The following PDE1A variants were observed in gnomAD, a reference collection of about 807,000 sequenced individuals.
PDE1A encodes phosphodiesterase 1A.
In PDE1A, 35 loss-of-function variants were observed where a neutral mutation model predicts 61.7. That is an observed-to-expected ratio of 0.57 (90% confidence interval 0.43 to 0.75). The LOEUF (loss-of-function observed/expected upper bound fraction) is 0.75. Among genes scored for constraint, PDE1A ranks in the 30% least tolerant of loss-of-function variants. The pLI, the probability that PDE1A is intolerant of heterozygous loss-of-function variation, is 0.00. For synonymous variants in PDE1A, 232 were observed against 213.2 expected (o/e 1.09, Z -0.77); for missense variants, 597 against 630.6 (o/e 0.95, Z 0.57).
At chr2:182,642,715 G>C in the PDE1A span, among the ~76,000 whole-genome samples, 1 of 152,176 alleles carries the variant, frequency 6.6e-6, no homozygotes, top group Admixed American at 6.5e-5. Flanking sequence ...CTGATGCTAA[G>C]ATATCTAACC....
intron 13 of PDE1A, among the ~76,000 whole-genome samples, chr2:182,172,436 C>T (rs1460468651): frequency 1.3e-5 from 2 of 152,006 alleles, no homozygotes; most frequent in Non-Finnish European, 2.9e-5. Context: ...ATAGTTTTTA[C>T]ATTTGTAACA....
chr2:182,293,819 G>A (rs1049074685), intron 1 of PDE1A, among the ~76,000 whole-genome samples: 3 of 152,080 alleles, frequency 2.0e-5, no homozygotes, highest in African/African-American at 4.8e-5. Context: ...ATGATGATGC[G>A]AGATGATAAA....
At chr2:182,542,896 AGC>A in the PDE1A span, among the ~76,000 whole-genome samples, 3 of 152,240 alleles carry the variant, frequency 2.0e-5, no homozygotes, top group Admixed American at 6.5e-5. Context: ...CATGTCCAAA[AGC>A]CAGAACTCAC....
the PDE1A span, among the ~76,000 whole-genome samples, chr2:182,626,687 A>C: frequency 2.9e-5 from 1 of 34,280 alleles, no homozygotes; most frequent in Admixed American, 5.4e-4. Context: ...TGCCTTCGAG[A>C]AAAAAAAAAA....
At chr2:182,302,798 T>G (rs1695331037) in intron 1 of PDE1A, among the ~76,000 whole-genome samples, 1 of 152,214 alleles carries the variant, frequency 6.6e-6, no homozygotes, top group South Asian at 2.1e-4. Flanking sequence ...AACTAAGTTT[T>G]TTTTTTCTTA....
At chr2:182,707,634 A>G in the PDE1A span, among the ~76,000 whole-genome samples, 36 of 152,364 alleles carry the variant, frequency 2.4e-4, no homozygotes, top group South Asian at 7.5e-3. Flanking sequence ...TTACATACAT[A>G]ATTTTTAAGT....
intron 2 of PDE1A, among the ~76,000 whole-genome samples, chr2:182,256,537 A>T (rs2448981): frequency 0.66 from 99,987 of 150,482 alleles, 33,242 homozygotes; most frequent in South Asian, 0.75. Flanking sequence ...ACTATAAATC[A>T]TGCTGCTATA....
At chr2:182,586,446 T>C in the PDE1A span, among the ~76,000 whole-genome samples, 3 of 152,208 alleles carry the variant, frequency 2.0e-5, no homozygotes, top group African/African-American at 7.2e-5. Context: ...TTAAAACTGC[T>C]TCCAAACCTC....
chr2:182,358,128 A>G (rs1423069340), intron 1 of PDE1A, among the ~76,000 whole-genome samples: 3 of 152,144 alleles, frequency 2.0e-5, no homozygotes, highest in Admixed American at 1.3e-4. Flanking sequence ...ACTTAAAGTT[A>G]TCTTTTTAGG....
rs564806777 is a variant in PDE1A at position 182,359,574 on chromosome 2, T to C, written c.53+67004A>G. Among the ~76,000 whole-genome samples the C allele has an allele frequency of 7.2e-5, 11 of 152,298 alleles. No homozygotes were observed. In the South Asian group the frequency reaches 2.3e-3, roughly 32 times the overall value. On this transcript the variant is annotated intron_variant, in intron 1 of 13. Transcript: ENST00000351439. The stretch of plus-strand genomic sequence containing the variant: ...ATTTCCCTCGTTTGAAACATCATTT[T>C]CATGCATCAGAAAGATTATTGATGT...
chr2:182,321,441 A>G (rs111718509), intron 1 of PDE1A, among the ~76,000 whole-genome samples: 1,691 of 152,294 alleles, frequency 0.011, 24 homozygotes, highest in South Asian at 0.069. Flanking sequence ...CTTTCCTTCC[A>G]AAATCTTTGC....
At chr2:182,483,364 A>T (rs1033751422) in intron 2 of PDE1A, among the ~76,000 whole-genome samples, 21 of 151,958 alleles carry the variant, frequency 1.4e-4, no homozygotes, top group Non-Finnish European at 2.9e-4. Flanking sequence ...AACAAAGCGA[A>T]ATACACATTA....
chr2:182,360,749 G>A (rs116237435), intron 1 of PDE1A, among the ~76,000 whole-genome samples: 2,055 of 151,568 alleles, frequency 0.014, 34 homozygotes, highest in Non-Finnish European at 0.024. Flanking sequence ...GGTGGAAGGG[G>A]CCCATGAAGG....
At chr2:182,249,738 C>CA (rs1186118202) in intron 2 of PDE1A, among the ~76,000 whole-genome samples, 1 of 148,758 alleles carries the variant, frequency 6.7e-6, no homozygotes, top group East Asian at 2.0e-4. Flanking sequence ...CCAACCCCCC[C>CA]CCCAAAAAAA....
chr2:182,192,769 C>A (rs184066637), intron 10 of PDE1A, among the ~76,000 whole-genome samples: 16 of 152,220 alleles, frequency 1.1e-4, no homozygotes, highest in African/African-American at 3.9e-4. Flanking sequence ...ACAGCTTATA[C>A]CTGTCTTTAC....
intron 13 of PDE1A, among the ~76,000 whole-genome samples, chr2:182,178,951 T>A (rs931243892): frequency 3.9e-5 from 6 of 152,116 alleles, no homozygotes; most frequent in African/African-American, 1.4e-4. Flanking sequence ...AGCAAGAACC[T>A]GATGCTCATC....
chr2:182,188,339 A>G (rs1685415249), intron 11 of PDE1A, among the ~76,000 whole-genome samples: 2 of 152,182 alleles, frequency 1.3e-5, no homozygotes, highest in African/African-American at 4.8e-5. Flanking sequence ...ACAGCTAAGA[A>G]GTGATCCTTG....
At chr2:182,683,090 C>A in the PDE1A span, among the ~76,000 whole-genome samples, 3 of 147,038 alleles carry the variant, frequency 2.0e-5, no homozygotes, top group South Asian at 4.3e-4. Flanking sequence ...TTTTCTTTTT[C>A]TTTTCTTTTT....
the PDE1A span, among the ~76,000 whole-genome samples, chr2:182,626,039 A>G: frequency 0.11 from 16,804 of 152,238 alleles, 1,054 homozygotes; most frequent in African/African-American, 0.16. Flanking sequence ...ACAAAGCAGG[A>G]ACAGGTAAGC....
Sources: allele counts gnomAD v4.1 joint callset (sites outside exome capture counted in the v4.1 genomes callset), GRCh38; gene constraint gnomAD v4.1.1; transcripts MANE v1.5; gene names NCBI Gene and HGNC (gene_info 2026-07-23, HGNC 2026-07-21).